DPYD: variants seen among roughly 807,000 people sequenced by gnomAD.
DPYD encodes dihydropyrimidine dehydrogenase.
Under a neutral mutation model 116.2 loss-of-function variants are expected in DPYD, and 109 were observed. The observed-to-expected ratio is 0.94, with a 90% CI of 0.80 to 1.10. The LOEUF (loss-of-function observed/expected upper bound fraction) is 1.10. DPYD is among the 50% of genes least tolerant of loss of function. The probability of loss-of-function intolerance (pLI) is 0.00; values close to 1 mark genes in which losing one functional copy is unlikely to be tolerated. For missense variants in DPYD, 1,302 were observed against 1,254.5 expected (o/e 1.04, Z -0.57); for synonymous variants, 440 against 432.0 (o/e 1.02, Z -0.23).
intron 18 of DPYD, among the ~76,000 whole-genome samples, chr1:97,303,792 C>T (rs1189113493): frequency 6.6e-6 from 1 of 151,852 alleles, no homozygotes; most frequent in African/African-American, 2.4e-5. Context: ...AAGTTCTACC[C>T]AGGCTTACCT....
At chr1:97,643,218 G>T (rs1315092439) in intron 8 of DPYD, among the ~76,000 whole-genome samples, 1 of 151,914 alleles carries the variant, frequency 6.6e-6, no homozygotes, top group Non-Finnish European at 1.5e-5. Context: ...AAACTACAAG[G>T]AACTTAAACA....
chr1:97,895,528 G>A (rs1673013837), intron 1 of DPYD, among the ~76,000 whole-genome samples: 1 of 151,688 alleles, frequency 6.6e-6, no homozygotes. Flanking sequence ...CAGCTAAAAG[G>A]AAATATATAT....
At chr1:97,196,379 A>G (rs540522355) in intron 19 of DPYD, among the ~76,000 whole-genome samples, 2 of 152,022 alleles carry the variant, frequency 1.3e-5, no homozygotes, top group Non-Finnish European at 2.9e-5. Flanking sequence ...CCTCCCACAA[A>G]TGCTGGGATT....
At chr1:97,514,766 C>A (rs1047410077) in intron 13 of DPYD, among the ~76,000 whole-genome samples, 1 of 151,640 alleles carries the variant, frequency 6.6e-6, no homozygotes, top group Non-Finnish European at 1.5e-5. Context: ...CACACTTACA[C>A]ATTGCATCTT....
chr1:97,523,318 T>A (rs1383112358), intron 12 of DPYD, among the ~76,000 whole-genome samples: 3 of 152,172 alleles, frequency 2.0e-5, no homozygotes, highest in East Asian at 1.9e-4. Context: ...TAAAGACTAT[T>A]TTTTTAAAGT....
chr1:97,280,190 C>T (rs1277781177), intron 18 of DPYD: 1 of 151,448 alleles, frequency 6.6e-6, no homozygotes, highest in Non-Finnish European at 1.5e-5. Context: ...TGTCTTGAAT[C>T]TCCAGACATT....
At chr1:97,480,223 G>A (rs1011533402) in intron 13 of DPYD, among the ~76,000 whole-genome samples, 1 of 151,816 alleles carries the variant, frequency 6.6e-6, no homozygotes, top group Non-Finnish European at 1.5e-5. Context: ...CTGGTTTTAG[G>A]AAAATAAAAT....
intron 14 of DPYD, among the ~76,000 whole-genome samples, chr1:97,389,310 GAAA>G (rs11349223): frequency 0.2 from 28,246 of 138,582 alleles, 2,855 homozygotes; most frequent in South Asian, 0.39. Flanking sequence ...TTTTGTCTTT[GAAA>G]AAAAAAAAAA....
At chr1:97,433,238 A>G (rs958481715) in intron 14 of DPYD, among the ~76,000 whole-genome samples, 1 of 152,078 alleles carries the variant, frequency 6.6e-6, no homozygotes, top group Admixed American at 6.6e-5. Flanking sequence ...GATATCTCTC[A>G]GCTTGGCTGC....
At chr1:97,652,925 G>A (rs1557862534) in intron 8 of DPYD, among the ~76,000 whole-genome samples, 1 of 152,034 alleles carries the variant, frequency 6.6e-6, no homozygotes, top group South Asian at 2.1e-4. Flanking sequence ...CATCCCATAA[G>A]TATCACAGTT....
At chr1:97,095,967 T>C (rs1286668439) in intron 21 of DPYD, 1 of 152,264 alleles carries the variant, frequency 6.6e-6, no homozygotes, top group East Asian at 1.9e-4. Flanking sequence ...ATGTTGACAC[T>C]GATAAGGTCT....
intron 14 of DPYD, among the ~76,000 whole-genome samples, chr1:97,415,920 G>A (rs1674265382): frequency 6.6e-6 from 1 of 152,080 alleles, no homozygotes; most frequent in African/African-American, 2.4e-5. Context: ...TTTGATGGTG[G>A]GGTCTCTTTC....
chr1:97,209,379 T>G (rs1224821071), intron 19 of DPYD, among the ~76,000 whole-genome samples: 1 of 152,176 alleles, frequency 6.6e-6, no homozygotes, highest in Non-Finnish European at 1.5e-5. Context: ...TGCTCAGACA[T>G]GCAATAGAAT....
chr1:97,080,398 C>T (rs1171826482), intron 22 of DPYD, among the ~76,000 whole-genome samples: 2 of 151,888 alleles, frequency 1.3e-5, no homozygotes, highest in Non-Finnish European at 2.9e-5. Context: ...AAAATTCCCC[C>T]CTCCAAATGA....
intron 12 of DPYD, among the ~76,000 whole-genome samples, chr1:97,519,907 C>CAGAGAAATTA (rs1325514717): frequency 6.6e-6 from 1 of 152,030 alleles, no homozygotes; most frequent in East Asian, 1.9e-4. Context: ...CTTGTCATTA[C>CAGAGAAATTA]AGAGAAATTA....
chr1:97,517,278 T>C (rs1648300437), intron 12 of DPYD, among the ~76,000 whole-genome samples: 1 of 152,000 alleles, frequency 6.6e-6, no homozygotes, highest in African/African-American at 2.4e-5. Context: ...TGAACATAAT[T>C]TTTCTGTCCT....
chr1:97,161,077 T>G (rs1216768575), intron 20 of DPYD, among the ~76,000 whole-genome samples: 1 of 152,142 alleles, frequency 6.6e-6, no homozygotes, highest in Non-Finnish European at 1.5e-5. Flanking sequence ...ATATCTTGAA[T>G]TGGCTGATTT....
In DPYD at chr1:97,240,726, T is replaced by A. The variant is rs574279564; in HGVS notation, c.2300-5732A>T. On this transcript the variant is annotated intron_variant, in intron 18 of 22. Coordinates refer to ENST00000370192, the MANE Select transcript of DPYD (RefSeq NM_000110.4). The stretch of plus-strand genomic sequence containing the variant: ...TTAACACCATCCAGAAGAAAAAAAA[T>A]TAGTAAATCAAGAATTTCAAGGATT... 4.9e-4 allele frequency among the ~76,000 whole-genome samples: 75 copies of A among 152,054 alleles called. No individual in the cohort carries two copies. In the East Asian group the frequency reaches 9.7e-3, roughly 20 times the overall value.
At chr1:97,666,501 TC>T (rs1659569816) in intron 8 of DPYD, among the ~76,000 whole-genome samples, 1 of 152,102 alleles carries the variant, frequency 6.6e-6, no homozygotes, top group African/African-American at 2.4e-5. Flanking sequence ...GTGTTTTTTT[TC>T]TTTGATTACA....
Sources: gnomAD v4.1 joint callset for allele counts (sites outside exome capture counted in the v4.1 genomes callset) on GRCh38, gnomAD v4.1.1 for gene constraint, MANE v1.5 for transcripts, NCBI Gene and HGNC (gene_info 2026-07-23, HGNC 2026-07-21) for gene names.